The following LMAN1L variants were observed in gnomAD, a reference collection of about 807,000 sequenced individuals.
LMAN1L encodes the protein lectin, mannose binding 1 like.
In LMAN1L, 60 loss-of-function variants were observed where a neutral mutation model predicts 58.3. The ratio of observed to expected loss-of-function variants is 1.03; its 90% CI spans 0.84 to 1.27. LMAN1L has a LOEUF of 1.27. Among genes scored for constraint, LMAN1L ranks in the 50% most tolerant of loss-of-function variants. The probability of loss-of-function intolerance (pLI) is 0.00; values close to 1 mark genes in which losing one functional copy is unlikely to be tolerated. For missense variants in LMAN1L, 629 were observed against 674.0 expected, an observed-to-expected ratio of 0.93 and a Z score of 0.74; for synonymous variants, 280 against 271.6, an observed-to-expected ratio of 1.03 and a Z score of -0.31.
At chr15:74,813,594 G>C (rs1462446262) in intron 1 of LMAN1L, 2 of 395,392 alleles carry the variant, frequency 5.1e-6, no homozygotes, top group African/African-American at 4.1e-5. Context: ...TACAAAGAGT[G>C]TGTCTTCTAC....
chr15:74,821,944 T>C (rs780150743), intron 10 of LMAN1L, 44 bp downstream of exon 10: 1 of 1,371,080 alleles, frequency 7.3e-7, no homozygotes, highest in Non-Finnish European at 1.0e-6. Context: ...TGGCCCCAGC[T>C]TGGCTGGTGC....
intron 4 of LMAN1L, among the ~76,000 whole-genome samples, chr15:74,817,998 G>C (rs2063899537): frequency 7.1e-6 from 1 of 140,412 alleles, no homozygotes; most frequent in Non-Finnish European, 1.6e-5. Flanking sequence ...GGGCAACAGA[G>C]CAAGACTCCG....
chr15:74,816,563 C>A (rs552522947), intron 3 of LMAN1L, 29 bp downstream of exon 3: 3 of 1,580,256 alleles, frequency 1.9e-6, no homozygotes, highest in Non-Finnish European at 2.6e-6. Flanking sequence ...CCTGCCAGCC[C>A]GCCTGCCCGC....
At position 74,823,633 on chromosome 15, in the gene LMAN1L, A is replaced by T. The variant is rs1018195272; in HGVS notation, c.1274A>T (p.Glu425Val). ...LPVGIEHHFL[E>V]LDHILGLLQE... is the part of the protein sequence containing the mutation. Reference sequence around the variant, plus strand: ...GTGGGCATTGAGCATCATTTCTTAGAGCTGGACCACATCCTGGGCCTCCTG... The same window carrying T: ...GTGGGCATTGAGCATCATTTCTTAGTGCTGGACCACATCCTGGGCCTCCTG... The change falls in exon 12 of 14, where the codon GAG (glutamate) becomes GTG (valine). Residue 425 changes from glutamate (E) to valine (V), a missense_variant. Coordinates refer to ENST00000309664, the MANE Select transcript of LMAN1L (RefSeq NM_021819.3). 6.2e-7 allele frequency: 1 copy of T among 1,613,928 alleles called. No individual in the cohort carries two copies. The highest frequency in any genetic ancestry group is 2.2e-5 in the East Asian group (1 of 44,874).
At chr15:74,818,636 A>G (rs1248069790) in intron 4 of LMAN1L, 82 bp from the exon 5 acceptor site, 6 of 1,045,046 alleles carry the variant, frequency 5.7e-6, no homozygotes, top group African/African-American at 4.8e-5. Context: ...AGAAGTTGCA[A>G]TGAGCCACAA....
chr15:74,817,208 A>G (rs1408401596), intron 4 of LMAN1L, among the ~76,000 whole-genome samples: 2 of 152,140 alleles, frequency 1.3e-5, no homozygotes, highest in East Asian at 1.9e-4. Context: ...GCTCATAACA[A>G]TTAGAGTAAT....
chr15:74,824,384 C>T lies in LMAN1L; in HGVS notation c.1357C>T (p.Gln453Ter), dbSNP rs1156972037. ...AGCCAAGGCCCCCCGCCCACCTGGC[C>T]AGCCCCCAAGGGCCTCCTCGTGCCT... Reference protein sequence around the residue: ...AAAKAPRPPGQPPRASSCLQP... With the variant: ...AAAKAPRPPG The change falls in exon 13 of 14, where the codon CAG (glutamine) becomes TAG (stop). Residue 453 changes from glutamine to a stop codon, truncating the protein, a stop_gained. Coordinates refer to ENST00000309664, the MANE Select transcript of LMAN1L (RefSeq NM_021819.3). LOFTEE classifies it high-confidence loss of function. The T allele has an allele frequency of 6.2e-7, 1 of 1,613,982 alleles. No homozygotes were observed. The highest frequency in any genetic ancestry group is 8.5e-7 in the Non-Finnish European group (1 of 1,179,842).
rs765175090 is a variant in LMAN1L, at chr15:74,822,717, A to G, written c.1199+8A>G. The G allele has an allele frequency of 6.2e-7, 1 of 1,611,618 alleles. No homozygotes were observed. Among genetic ancestry groups the G allele is most frequent in the Non-Finnish European group, 8.5e-7 (1 of 1,177,776 alleles). ...GGCCCTGCAAGAGATGAGGTAAGGG[A>G]CTGGGTGGGGACCCCTCCACCACCT... On this transcript the variant is annotated splice_region_variant and intron_variant, in intron 11 of 13. Coordinates refer to ENST00000309664, the MANE Select transcript of LMAN1L (RefSeq NM_021819.3).
chr15:74,825,456 A>T lies in LMAN1L; in HGVS notation c.1452-20A>T, dbSNP rs1419854849. 10 of 1,605,714 alleles carry T rather than the reference A, an allele frequency of 6.2e-6. No individual in the cohort carries two copies. The highest frequency in any genetic ancestry group is 8.5e-6 in the Non-Finnish European group (10 of 1,173,752). ...TAAAGGAGAGACGCAAGTAACCTGT[A>T]ACCTTCTCTCTGGCAGCAGGCAGGA... On this transcript the variant is annotated intron_variant, in intron 13 of 13. Transcript: ENST00000309664.
intron 7 of LMAN1L, 169 bp from the exon 8 acceptor site, chr15:74,820,466 A>G (rs1596379433): frequency 3.6e-6 from 3 of 843,400 alleles, no homozygotes; most frequent in Admixed American, 1.9e-5. Context: ...CACAGCAGGG[A>G]GGGAAGATGG....
intron 11 of LMAN1L, 80 bp from the exon 12 acceptor site, chr15:74,823,479 G>A (rs2063926366): frequency 2.6e-6 from 4 of 1,516,130 alleles, no homozygotes; most frequent in South Asian, 1.2e-5. Flanking sequence ...TGCCCTTGGG[G>A]AGATGGGAAA....
At chr15:74,818,671 G>A (rs767832169) in intron 4 of LMAN1L, 47 bp from the exon 5 acceptor site, 8 of 1,432,740 alleles carry the variant, frequency 5.6e-6, no homozygotes, top group East Asian at 2.4e-5. Context: ...TCCAGCCTGG[G>A]CAGCGACTCT....
intron 13 of LMAN1L, chr15:74,824,720 C>A (rs2063933303): frequency 4.5e-6 from 2 of 441,492 alleles, no homozygotes; most frequent in Admixed American, 7.6e-5. Context: ...GTCTAACTGA[C>A]CCTGTGTCGT....
chr15:74,824,360 G>T lies in LMAN1L; in HGVS notation c.1333G>T (p.Ala445Ser), dbSNP rs2063931247. 2 of 1,613,948 alleles carry T rather than the reference G, an allele frequency of 1.2e-6. No individual in the cohort carries two copies. The highest frequency in any genetic ancestry group is 4.5e-5 in the East Asian group (2 of 44,884). ...GACTTTCCCCTTTCAGAAGGCAGCA[G>T]CCAAGGCCCCCCGCCCACCTGGCCA... ...EELRGPAKAA[A>S]KAPRPPGQPP... The change falls in exon 13 of 14, where the codon GCC becomes TCC. Residue 445 changes from alanine to serine, a missense_variant. Ala to Ser is a moderately conservative substitution (Grantham distance 99). Around this residue, in one of 3 missense-constraint regions of LMAN1L, gnomAD observed 573 missense variants for 597.3 expected, o/e 0.96. Coordinates refer to ENST00000309664, the MANE Select transcript of LMAN1L (RefSeq NM_021819.3).
chr15:74,816,530 C>T lies in LMAN1L; in HGVS notation c.434C>T (p.Thr145Ile), dbSNP rs866761881. ...GIFFDSPAED[T>I]QDSPAIRVLA... The stretch of plus-strand genomic sequence containing the variant: ...TTCTTTGACTCTCCGGCAGAGGATA[C>T]TCAGGTGCGTAGTGGTCTCCTGCCT... The change falls in exon 3 of 14, where the codon ACT (threonine) becomes ATT (isoleucine). Residue 145 changes from threonine (T) to isoleucine (I), a missense_variant. By Grantham distance (89) the Thr-to-Ile change is moderately conservative. This residue lies in a region of LMAN1L where 573 missense variants were observed against 597.3 expected (regional missense o/e 0.96). Coordinates refer to ENST00000309664, the MANE Select transcript of LMAN1L (RefSeq NM_021819.3). The T allele has an allele frequency of 3.2e-6, 5 of 1,562,738 alleles. No individual in the cohort carries two copies. Among genetic ancestry groups the T allele is most frequent in the African/African-American group, 2.7e-5 (2 of 74,026 alleles).
intron 1 of LMAN1L, 131 bp downstream of exon 1, chr15:74,813,160 A>G: frequency 1.0e-6 from 1 of 965,578 alleles, no homozygotes; most frequent in Non-Finnish European, 1.6e-6. Flanking sequence ...GGACAGTGCC[A>G]GGCACCCCAG....
intron 10 of LMAN1L, among the ~76,000 whole-genome samples, chr15:74,822,105 G>A (rs775961496): frequency 2.0e-5 from 3 of 152,116 alleles, no homozygotes; most frequent in Non-Finnish European, 2.9e-5. Context: ...GACAGATCAC[G>A]AGGTCAAAAG....
chr15:74,825,218 A>G, intron 13 of LMAN1L: 1 of 365,600 alleles, frequency 2.7e-6, no homozygotes, highest in Non-Finnish European at 5.1e-6. Context: ...AAAAAGCACA[A>G]GGTAGAAATG....
Position 74,825,535 on chromosome 15 carries a change from C to CTGCACCA in LMAN1L, c.1512_1518dup (p.His507CysfsTer?). 6.2e-7 allele frequency: 1 copy of CTGCACCA among 1,613,806 alleles called. No individual in the cohort carries two copies. On this transcript the variant is annotated frameshift_variant, in exon 14 of 14. Transcript: ENST00000309664. LOFTEE classifies it low-confidence loss of function (END_TRUNC). Reference sequence around the variant, plus strand: ...TCCACAGGCAGCCTTCCTCTGGGTCCTGCACCACACACCCCCAGGGCCCTG... The same window carrying CTGCACCA: ...TCCACAGGCAGCCTTCCTCTGGGTCCTGCACCATGCACCACACACCCCCAGGGCCCTG...
Sources: allele counts gnomAD v4.1 joint callset (sites outside exome capture counted in the v4.1 genomes callset), GRCh38; gene constraint gnomAD v4.1.1; regional missense constraint gnomAD v4.1.1; transcripts MANE v1.5; gene names NCBI Gene and HGNC (gene_info 2026-07-23, HGNC 2026-07-21).